The following IMPG2 variants were observed in gnomAD, a reference collection of about 807,000 sequenced individuals.
IMPG2 encodes interphotoreceptor matrix proteoglycan 2.
In IMPG2, 91 loss-of-function variants were observed where a neutral mutation model predicts 129.2. The ratio of observed to expected loss-of-function variants is 0.70; its 90% CI spans 0.59 to 0.84. The LOEUF is 0.84. Ranked by LOEUF, IMPG2 falls within the 40% of genes least tolerant of loss-of-function variation. IMPG2 has a pLI of 0.00. For missense variants in IMPG2, 1,430 were observed against 1,461.7 expected, an observed-to-expected ratio of 0.98 and a Z score of 0.35; for synonymous variants, 510 against 517.7, an observed-to-expected ratio of 0.99 and a Z score of 0.20.
intron 9 of IMPG2, among the ~76,000 whole-genome samples, chr3:101,265,611 T>A (rs2107242577): frequency 6.6e-6 from 1 of 151,896 alleles, no homozygotes; most frequent in Admixed American, 6.6e-5. Flanking sequence ...AAGAAAACAT[T>A]GGGGAAACAC....
At chr3:101,260,262 G>A (rs1345499938) in intron 9 of IMPG2, among the ~76,000 whole-genome samples, 1 of 152,092 alleles carries the variant, frequency 6.6e-6, no homozygotes, top group Non-Finnish European at 1.5e-5. Context: ...GTGGTTCAGA[G>A]CTCTTAAAAG....
At chr3:101,238,958 C>T (rs1184362999) in intron 14 of IMPG2, among the ~76,000 whole-genome samples, 1 of 152,138 alleles carries the variant, frequency 6.6e-6, no homozygotes, top group Non-Finnish European at 1.5e-5. Context: ...CATCAGTGTG[C>T]TGTATTCAGA....
At chr3:101,288,060 C>A (rs966606026) in intron 4 of IMPG2, among the ~76,000 whole-genome samples, 1 of 151,950 alleles carries the variant, frequency 6.6e-6, no homozygotes, top group African/African-American at 2.4e-5. Context: ...AAGCAAATAA[C>A]CCCATTAAAA....
At chr3:101,270,349 C>T (rs573405241) in intron 7 of IMPG2, among the ~76,000 whole-genome samples, 17 of 152,092 alleles carry the variant, frequency 1.1e-4, no homozygotes, top group Admixed American at 2.0e-4. Flanking sequence ...GCTCCTACAA[C>T]GAAAGAGAAC....
chr3:101,272,788 G>C (rs1360013068), intron 7 of IMPG2, among the ~76,000 whole-genome samples: 1 of 152,062 alleles, frequency 6.6e-6, no homozygotes, highest in Non-Finnish European at 1.5e-5. Context: ...CAGTATCTGG[G>C]GAAGAAAATT....
chr3:101,227,479 C>G (rs535415580), intron 18 of IMPG2, among the ~76,000 whole-genome samples: 23 of 152,332 alleles, frequency 1.5e-4, no homozygotes, highest in African/African-American at 5.5e-4. Context: ...TCTCCTGAAT[C>G]CTTCCTTTGC....
chr3:101,311,741 C>T (rs1206643862), intron 2 of IMPG2, among the ~76,000 whole-genome samples: 1 of 152,048 alleles, frequency 6.6e-6, no homozygotes, highest in East Asian at 1.9e-4. Context: ...TTGCAAGGGA[C>T]CTAGAATAGC....
intron 3 of IMPG2, among the ~76,000 whole-genome samples, chr3:101,300,562 A>G (rs1335012952): frequency 6.6e-6 from 1 of 152,232 alleles, no homozygotes; most frequent in Non-Finnish European, 1.5e-5. Context: ...TGGGTTGCAC[A>G]GTTCCGTGGA....
intron 6 of IMPG2, among the ~76,000 whole-genome samples, chr3:101,275,452 C>T (rs1318465219): frequency 2.0e-5 from 3 of 152,168 alleles, no homozygotes; most frequent in Non-Finnish European, 4.4e-5. Context: ...TAATTCGAAG[C>T]TCTCACCAAA....
intron 4 of IMPG2, among the ~76,000 whole-genome samples, chr3:101,288,493 A>C (rs1326852926): frequency 6.6e-6 from 1 of 152,214 alleles, no homozygotes; most frequent in Non-Finnish European, 1.5e-5. Flanking sequence ...AATATGGTAC[A>C]TATACACCAT....
chr3:101,276,631 A>C, intron 5 of IMPG2, 33 bp downstream of exon 5: 1 of 1,478,892 alleles, frequency 6.8e-7, no homozygotes, highest in South Asian at 1.1e-5. Flanking sequence ...AAATAATTTT[A>C]AAAGAAAAGT....
intron 2 of IMPG2, among the ~76,000 whole-genome samples, chr3:101,306,155 G>A (rs1298042149): frequency 1.3e-5 from 2 of 152,042 alleles, no homozygotes; most frequent in Non-Finnish European, 2.9e-5. Context: ...TTTTTAACAG[G>A]ATAAATAATT....
At chr3:101,268,466 C>T (rs1706744658) in intron 8 of IMPG2, among the ~76,000 whole-genome samples, 2 of 152,144 alleles carry the variant, frequency 1.3e-5, no homozygotes, top group Admixed American at 1.3e-4. Flanking sequence ...AAATATTTGG[C>T]CTCTTTCCAC....
Position 101,225,265 on chromosome 3 carries a change from A to G in IMPG2, c.*1704T>C, listed in dbSNP as rs1342731792. 6.6e-6 allele frequency: 1 copy of G among 152,260 alleles called. No individual in the cohort carries two copies. Among genetic ancestry groups the G allele is most frequent in the Non-Finnish European group, 1.5e-5 (1 of 68,052 alleles). The allele number at this position is 152,260 out of a possible 1,614,324, so 9.4% of individuals were successfully genotyped here. ...AATTATCCAATATTAAGACTAGAAC[A>G]TGTCAATAAAATAGTGGAAAGTGTA... On this transcript the variant is annotated 3_prime_UTR_variant, in exon 19 of 19. Transcript: ENST00000193391.
intron 5 of IMPG2, 45 bp from the exon 6 acceptor site, chr3:101,275,790 T>G: frequency 7.5e-7 from 1 of 1,334,104 alleles, no homozygotes; most frequent in Non-Finnish European, 1.1e-6. Flanking sequence ...AGTCCTCGAT[T>G]AAGTCAGAAT....
intron 16 of IMPG2, 75 bp downstream of exon 16, chr3:101,230,882 T>C (rs558831716): frequency 7.4e-7 from 1 of 1,343,342 alleles, no homozygotes; most frequent in African/African-American, 1.4e-5. Context: ...GTCCAATATT[T>C]GGCACCTGGT....
In IMPG2 at chr3:101,244,282, A is replaced by G; in HGVS notation, c.2049T>C (p.Ser683=). The G allele has an allele frequency of 2.5e-6, 4 of 1,614,040 alleles. No homozygotes were observed. Among genetic ancestry groups the G allele is most frequent in the Non-Finnish European group, 3.4e-6 (4 of 1,179,982 alleles). The change falls in exon 13 of 19, where the codon AGT becomes AGC. Residue 683 remains serine, a synonymous_variant. Coordinates refer to ENST00000193391, the MANE Select transcript of IMPG2 (RefSeq NM_016247.4). The part of the protein sequence containing the change: ...STHFPEEEPL[S]GPAVPIFADT... Reference sequence around the variant, plus strand: ...CTGCGAAGATGGGCACAGCAGGCCCACTAAGAGGCTCTTCCTCTGGAAAGT... The same window carrying G: ...CTGCGAAGATGGGCACAGCAGGCCCGCTAAGAGGCTCTTCCTCTGGAAAGT...
chr3:101,250,412 G>T (rs1343988456), intron 11 of IMPG2, among the ~76,000 whole-genome samples: 1 of 152,106 alleles, frequency 6.6e-6, no homozygotes, highest in Non-Finnish European at 1.5e-5. Flanking sequence ...ATCTTACGTT[G>T]GGAAGAGGGG....
At chr3:101,252,580 A>G (rs1706556504) in intron 11 of IMPG2, among the ~76,000 whole-genome samples, 1 of 152,202 alleles carries the variant, frequency 6.6e-6, no homozygotes, top group African/African-American at 2.4e-5. Context: ...CACTTGGCAC[A>G]TGGAAAGCAC....
Sources: gnomAD v4.1 joint callset for allele counts (sites outside exome capture counted in the v4.1 genomes callset) on GRCh38, gnomAD v4.1.1 for gene constraint, MANE v1.5 for transcripts, NCBI Gene and HGNC (gene_info 2026-07-23, HGNC 2026-07-21) for gene names.